Variants in AOPEP observed in about 807,000 individuals in gnomAD.
AOPEP encodes aminopeptidase O (putative), also known as aminopeptidase O.
A neutral mutation model predicts 98.1 loss-of-function variants in AOPEP; 77 were observed. The observed-to-expected ratio is 0.78, with a 90% CI of 0.65 to 0.95. The LOEUF is 0.95. AOPEP is among the 40% of genes least tolerant of loss of function. AOPEP has a pLI of 0.00. For synonymous variants in AOPEP, 346 were observed against 365.3 expected, an observed-to-expected ratio of 0.95 and a Z score of 0.60; for missense variants, 1,024 against 1,024.7, an observed-to-expected ratio of 1.00 and a Z score of 0.01.
chr9:94,932,305 C>A, intron 7 of AOPEP: 1 of 982,906 alleles, frequency 1.0e-6, no homozygotes, highest in Non-Finnish European at 1.2e-6. Flanking sequence ...ATTCAACATT[C>A]TCTTGGTTAT....
chr9:94,882,483 A>T (rs1051400546), intron 5 of AOPEP, among the ~76,000 whole-genome samples: 2 of 152,226 alleles, frequency 1.3e-5, no homozygotes, highest in African/African-American at 2.4e-5. Flanking sequence ...CCAAAATAAA[A>T]CTTAACTATT....
chr9:95,037,680 A>G (rs2064947512), intron 13 of AOPEP, among the ~76,000 whole-genome samples: 1 of 152,210 alleles, frequency 6.6e-6, no homozygotes. Context: ...GAAACTGAAA[A>G]GAAAAACCCT....
chr9:95,003,141 AAT>A (rs2061671705), intron 11 of AOPEP, among the ~76,000 whole-genome samples: 1 of 125,824 alleles, frequency 7.9e-6, no homozygotes, highest in Non-Finnish European at 1.6e-5. Context: ...TAGAATTAAG[AAT>A]GTGTGTGTGT....
intron 13 of AOPEP, among the ~76,000 whole-genome samples, chr9:95,007,036 G>A (rs557290369): frequency 8.3e-4 from 126 of 151,908 alleles, no homozygotes; most frequent in Non-Finnish European, 1.5e-3. Flanking sequence ...CGAATAGCTG[G>A]AACTACAGGC....
chr9:95,016,150 C>T (rs1189776375), intron 13 of AOPEP, among the ~76,000 whole-genome samples: 2 of 150,522 alleles, frequency 1.3e-5, no homozygotes, highest in African/African-American at 4.9e-5. Context: ...TTTCCCCCCA[C>T]GGTAAACCTT....
At chr9:94,844,370 T>C (rs1052029356) in intron 5 of AOPEP, among the ~76,000 whole-genome samples, 1 of 152,236 alleles carries the variant, frequency 6.6e-6, no homozygotes, top group East Asian at 1.9e-4. Context: ...TTGTAATTGA[T>C]ACATAATATT....
At chr9:95,066,378 A>G (rs964083762) in intron 14 of AOPEP, among the ~76,000 whole-genome samples, 15 of 152,116 alleles carry the variant, frequency 9.9e-5, no homozygotes, top group Non-Finnish European at 1.6e-4. Context: ...TTTTAGATAA[A>G]TAATTTCCTG....
chr9:94,899,032 C>T (rs1174208836), intron 5 of AOPEP, among the ~76,000 whole-genome samples: 1 of 152,030 alleles, frequency 6.6e-6, no homozygotes, highest in African/African-American at 2.4e-5. Flanking sequence ...AAACAAAATG[C>T]AATGTCCATC....
At chr9:94,943,919 C>CAAAAAAAAAAAAAA (rs775807087) in intron 7 of AOPEP, among the ~76,000 whole-genome samples, 3 of 17,418 alleles carry the variant, frequency 1.7e-4, no homozygotes, top group African/African-American at 2.9e-4. Context: ...GACTCCATCT[C>CAAAAAAAAAAAAAA]AAAAAAAAAA....
At chr9:94,829,204 A>G (rs1564208863) in intron 5 of AOPEP, among the ~76,000 whole-genome samples, 1 of 152,060 alleles carries the variant, frequency 6.6e-6, no homozygotes, top group Non-Finnish European at 1.5e-5. Flanking sequence ...TTACACACAC[A>G]CACACACACG....
At chr9:95,091,870 C>T (rs1160153261), downstream of AOPEP, among the ~76,000 whole-genome samples, 2 of 152,194 alleles carry the variant, frequency 1.3e-5, no homozygotes, top group Non-Finnish European at 2.9e-5. Flanking sequence ...TGCATGTGCG[C>T]ACCCCACCCC....
chr9:94,896,122 A>G (rs373832762), intron 5 of AOPEP, among the ~76,000 whole-genome samples: 2 of 152,230 alleles, frequency 1.3e-5, no homozygotes, highest in African/African-American at 4.8e-5. Context: ...TGCATAGGAA[A>G]ACCAAGATGA....
intron 5 of AOPEP, among the ~76,000 whole-genome samples, chr9:94,907,570 A>G (rs768787599): frequency 5.9e-5 from 9 of 152,000 alleles, no homozygotes; most frequent in Non-Finnish European, 1.0e-4. Flanking sequence ...TTGCCCCTTT[A>G]CACACATGCA....
chr9:95,123,525 T>C, the AOPEP span: 2 of 503,664 alleles, frequency 4.0e-6, no homozygotes, highest in Non-Finnish European at 7.9e-6. Context: ...TCCAATATGA[T>C]GAAAAAAAGA....
At chr9:95,086,287 G>A in intron 16 of AOPEP, 1 of 985,450 alleles carries the variant, frequency 1.0e-6, no homozygotes, top group South Asian at 4.7e-5. Flanking sequence ...AGAAAGTTAA[G>A]AGCTCCCAGG....
At chr9:94,851,061 A>G (rs1053609633) in intron 5 of AOPEP, among the ~76,000 whole-genome samples, 9 of 152,222 alleles carry the variant, frequency 5.9e-5, no homozygotes, top group Admixed American at 2.6e-4. Flanking sequence ...AGCCAAGAAA[A>G]TGACGGAGAA....
chr9:94,906,483 A>AATAATAAT lies in AOPEP; in HGVS notation c.1365-17502_1365-17501insTAATAATA, dbSNP rs138384769. ...TAATAATAATAATAATAATAATAAT[A>AATAATAAT]AAAAAACAGACCCCCTCTCTATAAA... On this transcript the variant is annotated intron_variant, in intron 5 of 16. Coordinates refer to ENST00000375315, the MANE Select transcript of AOPEP (RefSeq NM_001193329.3). Among the ~76,000 whole-genome samples the AATAATAAT allele has an allele frequency of 1.7e-3, 252 of 145,738 alleles. 4 individuals carry two copies. The highest frequency in any genetic ancestry group is 3.0e-3 in the Non-Finnish European group (200 of 66,364).
Position 94,980,520 on chromosome 9 carries a change from C to T in AOPEP, c.1977+1093C>T, listed in dbSNP as rs1015616850. ...GCTGTTCTCCATTACCTTTTCATCC[C>T]CCTCCTCACATCTTTGTCCATTTTC... On this transcript the variant is annotated intron_variant, in intron 11 of 16. Coordinates refer to ENST00000375315, the MANE Select transcript of AOPEP (RefSeq NM_001193329.3). The surrounding 1 kb of genome is among the most constrained non-coding windows in gnomAD (Gnocchi z 4.3). 3.3e-5 allele frequency among the ~76,000 whole-genome samples: 5 copies of T among 152,212 alleles called. No homozygotes were observed. Among genetic ancestry groups the T allele is most frequent in the African/African-American group, 1.2e-4 (5 of 41,464 alleles).
At chr9:94,831,354 A>C (rs949416586) in intron 5 of AOPEP, among the ~76,000 whole-genome samples, 3 of 152,176 alleles carry the variant, frequency 2.0e-5, no homozygotes, top group Admixed American at 2.0e-4. Flanking sequence ...GCCAAAGGTC[A>C]AATGGTTGTA....
Sources: allele counts gnomAD v4.1 joint callset (sites outside exome capture counted in the v4.1 genomes callset), GRCh38; gene constraint gnomAD v4.1.1; non-coding constraint Gnocchi (gnomAD v3.1); transcripts MANE v1.5; gene names NCBI Gene and HGNC (gene_info 2026-07-23, HGNC 2026-07-21).